Variants in UST observed in about 807,000 individuals in gnomAD.
UST encodes uronyl 2-sulfotransferase.
Under a neutral mutation model 45.6 loss-of-function variants are expected in UST, and 21 were observed. The ratio of observed to expected loss-of-function variants is 0.46; its 90% CI spans 0.33 to 0.66. The LOEUF (loss-of-function observed/expected upper bound fraction) is 0.66. UST is among the 30% of genes least tolerant of loss of function. The pLI is 0.02. For missense variants in UST, 463 were observed against 512.4 expected, an observed-to-expected ratio of 0.90 and a Z score of 0.93; for synonymous variants, 215 against 200.6, an observed-to-expected ratio of 1.07 and a Z score of -0.61.
intron 7 of UST, among the ~76,000 whole-genome samples, chr6:149,059,051 A>G (rs2115040542): frequency 6.6e-6 from 1 of 152,344 alleles, no homozygotes; most frequent in East Asian, 1.9e-4. Flanking sequence ...AAACATAGCA[A>G]CTTGCCCTTC....
chr6:148,912,011 ACATGGTGAAACCC>A lies in UST; in HGVS notation c.291+24983_291+24995del, dbSNP rs1779484959. On this transcript the variant is annotated intron_variant, in intron 2 of 7. Transcript: ENST00000367463. The stretch of plus-strand genomic sequence containing the variant: ...CAGGAGTTCAAGACCAGCCTGATCA[ACATGGTGAAACCC>A]TGTCTCTACTAAAAATATAAAAATT... Among the ~76,000 whole-genome samples, 3 of 152,194 alleles carry A rather than the reference ACATGGTGAAACCC, an allele frequency of 2.0e-5. No individual in the cohort carries two copies. The South Asian group carries it at 6.2e-4, about 32-fold the overall frequency.
intron 5 of UST, among the ~76,000 whole-genome samples, chr6:148,982,075 G>A (rs1007681114): frequency 3.3e-5 from 5 of 150,388 alleles, no homozygotes; most frequent in Admixed American, 6.7e-5. Flanking sequence ...AAGGGCAAGC[G>A]AGTGAACTCC....
At chr6:148,975,593 TATA>T (rs893083845) in intron 5 of UST, among the ~76,000 whole-genome samples, 39 of 152,286 alleles carry the variant, frequency 2.6e-4, no homozygotes, top group Non-Finnish European at 4.4e-4. Flanking sequence ...CTATCATCAT[TATA>T]ATAATAATAT....
intron 7 of UST, among the ~76,000 whole-genome samples, chr6:149,026,051 G>A (rs1273355395): frequency 6.6e-6 from 1 of 151,656 alleles, no homozygotes; most frequent in Non-Finnish European, 1.5e-5. Context: ...TGGAGGCTGA[G>A]ACAGGAGAAT....
At chr6:148,955,595 C>T (rs1780477035) in intron 4 of UST, 1 of 152,204 alleles carries the variant, frequency 6.6e-6, no homozygotes, top group Admixed American at 6.5e-5. Flanking sequence ...GGTGTGTGCC[C>T]TGCCTCTTAA....
At chr6:149,016,788 A>T (rs1036498314) in intron 5 of UST, among the ~76,000 whole-genome samples, 1 of 152,090 alleles carries the variant, frequency 6.6e-6, no homozygotes, top group African/African-American at 2.4e-5. Context: ...TTCTTTGTGA[A>T]ATCTCGACCT....
intron 5 of UST, chr6:149,005,209 C>A: frequency 1.3e-6 from 1 of 798,246 alleles, no homozygotes; most frequent in Non-Finnish European, 1.5e-6. Context: ...GGTCTTGGAG[C>A]CCTGCCCATC....
rs147763731 is a variant in UST at position 148,905,707 on chromosome 6, T to G, written c.291+18678T>G. Among the ~76,000 whole-genome samples the G allele has an allele frequency of 2.1e-3, 315 of 152,348 alleles. 1 individual carries two copies. The highest frequency in any genetic ancestry group is 7.4e-3 in the African/African-American group (309 of 41,576). ...AGCCTGAAAAACCTTTGTGCCATCC[T>G]TTGAGCGTATCATTTCCTACCACCA... is the stretch of plus-strand genomic sequence containing the variant. On this transcript the variant is annotated intron_variant, in intron 2 of 7. Transcript: ENST00000367463.
At chr6:148,985,898 G>T (rs1169572594) in intron 5 of UST, among the ~76,000 whole-genome samples, 1 of 152,188 alleles carries the variant, frequency 6.6e-6, no homozygotes, top group Admixed American at 6.5e-5. Context: ...ATGTGCAAGA[G>T]ATTTATTGGG....
At chr6:148,842,974 C>T (rs529474309) in intron 1 of UST, among the ~76,000 whole-genome samples, 1 of 152,130 alleles carries the variant, frequency 6.6e-6, no homozygotes, top group Admixed American at 6.6e-5. Context: ...GTAATTATTG[C>T]CAGAAATGAA....
At chr6:148,875,443 A>G (rs1778629979) in intron 1 of UST, among the ~76,000 whole-genome samples, 3 of 152,224 alleles carry the variant, frequency 2.0e-5, no homozygotes, top group African/African-American at 7.2e-5. Context: ...TGTCCTTTAT[A>G]CAATAAACTA....
At chr6:148,800,800 GCTT>G (rs1777044997) in intron 1 of UST, among the ~76,000 whole-genome samples, 3 of 116,818 alleles carry the variant, frequency 2.6e-5, no homozygotes, top group African/African-American at 1.0e-4. Flanking sequence ...TTTTTGGAAA[GCTT>G]TTGGAGACAC....
intron 7 of UST, among the ~76,000 whole-genome samples, chr6:149,049,590 A>T (rs1776449262): frequency 6.6e-6 from 1 of 152,236 alleles, no homozygotes; most frequent in African/African-American, 2.4e-5. Context: ...TTGAATGTTC[A>T]GATAAAAATT....
Position 148,796,622 on chromosome 6 carries a change from T to TAAAAAAA in UST, c.247+48945_247+48946insAAAAAAA, listed in dbSNP as rs1449754454. On this transcript the variant is annotated intron_variant, in intron 1 of 7. Transcript: ENST00000367463. ...CTGGACGACAGGGCAAGACTCTGTC[T>TAAAAAAA]CAAAAAAAAAAAAAAAAAAAAAAAA... is the stretch of plus-strand genomic sequence containing the variant. Among the ~76,000 whole-genome samples the TAAAAAAA allele has an allele frequency of 6.5e-4, 29 of 44,446 alleles. 4 individuals are homozygous for TAAAAAAA. The highest frequency in any genetic ancestry group is 1.7e-3 in the East Asian group (2 of 1,188). The allele number at this position is 44,446 out of a possible 152,430, so 29.2% of individuals were successfully genotyped here. A position where few individuals can be genotyped will look rare whatever the true frequency, so the allele number is the denominator to read the frequency against.
intron 7 of UST, among the ~76,000 whole-genome samples, chr6:149,065,726 G>T (rs1404953501): frequency 1.3e-5 from 2 of 152,182 alleles, no homozygotes; most frequent in Non-Finnish European, 2.9e-5. Context: ...TGTATATGAT[G>T]ATCCAAACTC....
chr6:148,800,909 A>G (rs983942935), intron 1 of UST, among the ~76,000 whole-genome samples: 3 of 151,750 alleles, frequency 2.0e-5, no homozygotes, highest in African/African-American at 7.3e-5. Flanking sequence ...ATCTATATTT[A>G]AATTATCTAA....
Position 148,747,383 on chromosome 6 carries a change from T to G in UST, c.-48T>G. On this transcript the variant is annotated 5_prime_UTR_variant, in exon 1 of 8. Transcript: ENST00000367463. ...GGCTCTCCTCCTCGCGGCGGATGGG[T>G]GACCTTTTCCTGGCACGGGCAGGCT... 1 of 1,363,570 alleles carries G rather than the reference T, an allele frequency of 7.3e-7. No individual in the cohort carries two copies. Among genetic ancestry groups the G allele is most frequent in the Non-Finnish European group, 9.5e-7 (1 of 1,052,412 alleles). The allele number at this position is 1,363,570 out of a possible 1,614,324, so 84.5% of individuals were successfully genotyped here.
intron 5 of UST, among the ~76,000 whole-genome samples, chr6:148,992,800 G>A (rs1290553310): frequency 2.0e-5 from 3 of 152,162 alleles, no homozygotes; most frequent in Non-Finnish European, 4.4e-5. Flanking sequence ...CATATGGATG[G>A]CCCCTGCTCA....
intron 1 of UST, among the ~76,000 whole-genome samples, chr6:148,846,920 G>T (rs1778002445): frequency 6.6e-6 from 1 of 152,232 alleles, no homozygotes; most frequent in African/African-American, 2.4e-5. Flanking sequence ...GCAGATTGGT[G>T]ATCTCCAGAA....
Sources: allele counts gnomAD v4.1 joint callset (sites outside exome capture counted in the v4.1 genomes callset), GRCh38; gene constraint gnomAD v4.1.1; transcripts MANE v1.5; gene names NCBI Gene and HGNC (gene_info 2026-07-23, HGNC 2026-07-21).